The following IFTAP variants were observed in gnomAD, a reference collection of about 807,000 sequenced individuals.
IFTAP encodes the protein intraflagellar transport-associated protein.
IFTAP carries 19 observed loss-of-function variants against 19.4 expected under a neutral mutation model. That is an observed-to-expected ratio of 0.98 (90% confidence interval 0.68 to 1.44). IFTAP has a LOEUF of 1.44. Ranked by LOEUF, IFTAP falls within the 40% of genes most tolerant of loss-of-function variation. IFTAP has a pLI of 0.00. For missense variants in IFTAP, 240 were observed against 253.6 expected (o/e 0.95, Z 0.36); for synonymous variants, 85 against 83.5 (o/e 1.02, Z -0.10).
intron 5 of IFTAP, among the ~76,000 whole-genome samples, chr11:36,652,084 T>C (rs1374015536): frequency 2.0e-5 from 3 of 152,240 alleles, no homozygotes; most frequent in Non-Finnish European, 4.4e-5. Context: ...TCCAATTCTG[T>C]GAAGAAAGTC....
intron 4 of IFTAP, among the ~76,000 whole-genome samples, chr11:36,642,020 A>G (rs1416343495): frequency 6.6e-6 from 1 of 152,070 alleles, no homozygotes. Context: ...TCCCTTTACC[A>G]TTATGTAATG....
rs1042827885 is a variant in IFTAP at position 36,648,096 on chromosome 11, C to T, written c.439C>T (p.Pro147Ser). The change falls in exon 5 of 6, where the codon CCT becomes TCT. Residue 147 changes from proline (P) to serine (S), a missense_variant. Transcript: ENST00000334307. The stretch of plus-strand genomic sequence containing the variant: ...CTGTATCCCTTTTGTGGCCCAGCCT[C>T]CTACCTGTGAAGTGAAGCCAAAGCC... The part of the protein sequence containing the change: ...PSCIPFVAQP[P>S]TCEVKPKPSV... 1.2e-6 allele frequency: 2 copies of T among 1,613,288 alleles called. No homozygotes were observed. Among genetic ancestry groups the T allele is most frequent in the African/African-American group, 2.7e-5 (2 of 74,846 alleles).
rs189774664 is a variant in IFTAP, at chr11:36,632,661, G to T, written c.137-623G>T. Among the ~76,000 whole-genome samples the T allele has an allele frequency of 2.7e-3, 408 of 151,184 alleles. 2 individuals carry two copies. Among genetic ancestry groups the T allele is most frequent in the Middle Eastern group, 6.8e-3 (2 of 294 alleles). On this transcript the variant is annotated intron_variant, in intron 2 of 5. Coordinates refer to ENST00000334307, the MANE Select transcript of IFTAP (RefSeq NM_138787.4). Reference sequence around the variant, plus strand: ...TTTAAACAGTCAAGAATAAGGAATTGGTTAAATAAACTATCTTACATTTAT... The same window carrying T: ...TTTAAACAGTCAAGAATAAGGAATTTGTTAAATAAACTATCTTACATTTAT...
intron 2 of IFTAP, among the ~76,000 whole-genome samples, chr11:36,632,413 G>A (rs940522588): frequency 1.3e-5 from 2 of 150,920 alleles, no homozygotes; most frequent in Non-Finnish European, 2.9e-5. Context: ...TTTCCACTAC[G>A]ATTTCAACTG....
chr11:36,644,758 C>A (rs952815103), intron 4 of IFTAP, among the ~76,000 whole-genome samples: 1 of 149,528 alleles, frequency 6.7e-6, no homozygotes, highest in African/African-American at 2.5e-5. Context: ...GATAAAAAAA[C>A]CAAACACTGA....
At chr11:36,606,554 T>C (rs1406126619) in intron 1 of IFTAP, among the ~76,000 whole-genome samples, 2 of 152,240 alleles carry the variant, frequency 1.3e-5, no homozygotes, top group Non-Finnish European at 2.9e-5. Flanking sequence ...TGGCACAATC[T>C]GTTAATTGTT....
chr11:36,658,766 C>G (rs1012838739), intron 5 of IFTAP, among the ~76,000 whole-genome samples: 1 of 152,144 alleles, frequency 6.6e-6, no homozygotes, highest in Non-Finnish European at 1.5e-5. Flanking sequence ...CTTTCTGATT[C>G]TTGCCTTGGG....
chr11:36,611,498 G>C (rs908223671), intron 2 of IFTAP, among the ~76,000 whole-genome samples: 4 of 152,046 alleles, frequency 2.6e-5, no homozygotes, highest in African/African-American at 9.7e-5. Context: ...TTCATGATTT[G>C]AGTAATGTGT....
chr11:36,649,778 TCTG>T (rs1322893439), intron 5 of IFTAP, among the ~76,000 whole-genome samples: 2 of 152,172 alleles, frequency 1.3e-5, no homozygotes, highest in African/African-American at 2.4e-5. Context: ...ATGAACAACT[TCTG>T]CTGTTTTTTG....
intron 2 of IFTAP, among the ~76,000 whole-genome samples, chr11:36,620,138 A>G (rs1852241142): frequency 6.6e-6 from 1 of 152,020 alleles, no homozygotes; most frequent in Admixed American, 6.6e-5. Context: ...TATTGCCAAA[A>G]AGAATAAAAG....
At chr11:36,617,065 G>T (rs1376767048) in intron 2 of IFTAP, among the ~76,000 whole-genome samples, 2 of 150,726 alleles carry the variant, frequency 1.3e-5, no homozygotes, top group Non-Finnish European at 3.0e-5. Context: ...TTGGAGACTT[G>T]TATAAAAATA....
At chr11:36,600,543 T>C (rs933107048) in intron 1 of IFTAP, among the ~76,000 whole-genome samples, 1 of 152,192 alleles carries the variant, frequency 6.6e-6, no homozygotes, top group East Asian at 1.9e-4. Flanking sequence ...ACTGTCCCCC[T>C]CACTCTGGTC....
chr11:36,633,450 A>G lies in IFTAP; in HGVS notation c.291+12A>G. 1.3e-6 allele frequency: 2 copies of G among 1,542,124 alleles called. No individual in the cohort carries two copies. Among genetic ancestry groups the G allele is most frequent in the East Asian group, 2.3e-5 (1 of 43,070 alleles). ...GTTTGGAAGAACAGGTAATACCAAC[A>G]TAGTACATGTATAGAAACAATCTCA... On this transcript the variant is annotated intron_variant, in intron 3 of 5. Coordinates refer to ENST00000334307, the MANE Select transcript of IFTAP (RefSeq NM_138787.4).
intron 4 of IFTAP, among the ~76,000 whole-genome samples, chr11:36,641,615 T>A (rs905569069): frequency 2.0e-5 from 3 of 152,202 alleles, no homozygotes; most frequent in Middle Eastern, 3.2e-3. Context: ...GAGTTCTAGT[T>A]TGATTGCACT....
At chr11:36,647,147 G>T (rs1590232247) in intron 4 of IFTAP, among the ~76,000 whole-genome samples, 1 of 152,094 alleles carries the variant, frequency 6.6e-6, no homozygotes, top group East Asian at 1.9e-4. Flanking sequence ...CTTCCACTGA[G>T]AAGTTAATTA....
At chr11:36,595,878 G>A (rs1851206039) in intron 1 of IFTAP, among the ~76,000 whole-genome samples, 1 of 152,260 alleles carries the variant, frequency 6.6e-6, no homozygotes, top group Admixed American at 6.5e-5. Context: ...AATCAGGTCA[G>A]TGGGTATAGA....
intron 1 of IFTAP, among the ~76,000 whole-genome samples, chr11:36,596,773 C>T (rs1851281627): frequency 6.6e-6 from 1 of 152,144 alleles, no homozygotes. Context: ...TTTTCAAGAA[C>T]AGTTGTTTTA....
intron 5 of IFTAP, among the ~76,000 whole-genome samples, chr11:36,650,931 G>A (rs564749331): frequency 2.0e-4 from 31 of 152,150 alleles, no homozygotes; most frequent in Admixed American, 5.2e-4. Flanking sequence ...TATATGTGCC[G>A]CATTTTCTTA....
intron 2 of IFTAP, among the ~76,000 whole-genome samples, chr11:36,612,280 GT>G (rs201227236): frequency 1.1e-3 from 161 of 145,982 alleles, no homozygotes; most frequent in Middle Eastern, 3.6e-3. Context: ...CACACTAGTT[GT>G]TTTTTTTTTT....
Sources: allele counts gnomAD v4.1 joint callset (sites outside exome capture counted in the v4.1 genomes callset), GRCh38; gene constraint gnomAD v4.1.1; transcripts MANE v1.5; gene names NCBI Gene and HGNC (gene_info 2026-07-23, HGNC 2026-07-21).